Variants in ATP2B4 observed in about 807,000 individuals in gnomAD.
ATP2B4 encodes the protein plasma membrane calcium-transporting ATPase 4.
Under a neutral mutation model 110.3 loss-of-function variants are expected in ATP2B4, and 39 were observed. The observed-to-expected ratio is 0.35, with a 90% confidence interval of 0.27 to 0.46. ATP2B4 has a LOEUF of 0.46. Among genes scored for constraint, ATP2B4 ranks in the 20% least tolerant of loss-of-function variants. ATP2B4 has a pLI of 1.00. For missense variants in ATP2B4, 1,135 were observed against 1,530.9 expected, an observed-to-expected ratio of 0.74 and a Z score of 4.32; for synonymous variants, 538 against 571.7, an observed-to-expected ratio of 0.94 and a Z score of 0.84.
In ATP2B4 at chr1:203,721,334, C is replaced by T. The variant is rs1450630071; in HGVS notation, c.2736C>T (p.Ile912=). ...RRPYGRNKPL[I]SRTMMKNILG... ...CCTATGGCCGAAATAAGCCTCTGATCTCACGCACTATGATGAAGAACATCT... is the reference window on the plus strand; with the variant it reads ...CCTATGGCCGAAATAAGCCTCTGATTTCACGCACTATGATGAAGAACATCT... The change falls in exon 17 of 21, where the codon ATC becomes ATT. Residue 912 remains isoleucine (I), a synonymous_variant. Transcript: ENST00000357681. The T allele has an allele frequency of 6.2e-7, 1 of 1,614,102 alleles. No individual in the cohort carries two copies. Among genetic ancestry groups the T allele is most frequent in the Non-Finnish European group, 8.5e-7 (1 of 1,180,048 alleles).
Position 203,742,670 on chromosome 1 carries a change from C to T in ATP2B4, c.*2816C>T, listed in dbSNP as rs376843706. On this transcript the variant is annotated 3_prime_UTR_variant, in exon 21 of 21. Transcript: ENST00000357681. The stretch of plus-strand genomic sequence containing the variant: ...AACCCCCACCATGCAGATGGATAGA[C>T]AGAATCTTTCCTGACTAGTCATTAG... 1 of 152,452 alleles carries T rather than the reference C, an allele frequency of 6.6e-6. No homozygotes were observed. The highest frequency in any genetic ancestry group is 2.4e-5 in the African/African-American group (1 of 41,422). 9.4% of individuals were successfully genotyped at this position (152,452 alleles called of 1,614,324 possible).
At chr1:203,681,217 C>T (rs139261746) in intron 1 of ATP2B4, among the ~76,000 whole-genome samples, 150 of 152,192 alleles carry the variant, frequency 9.9e-4, no homozygotes, top group African/African-American at 3.4e-3. Flanking sequence ...GCGAGGAGGA[C>T]GCAAAGGGCA....
At chr1:203,691,851 A>G (rs1665386227) in intron 2 of ATP2B4, among the ~76,000 whole-genome samples, 1 of 151,888 alleles carries the variant, frequency 6.6e-6, no homozygotes, top group African/African-American at 2.4e-5. Context: ...CAGTCCCCAA[A>G]TCCAGGGTTG....
intron 18 of ATP2B4, among the ~76,000 whole-genome samples, chr1:203,723,457 T>TCCCCCTCC (rs1553251107): frequency 1.8e-5 from 2 of 113,576 alleles, no homozygotes; most frequent in African/African-American, 3.8e-5. Flanking sequence ...TCTCTCTCTC[T>TCCCCCTCC]CTCCCTCTGC....
chr1:203,657,225 A>G (rs1664188776), intron 1 of ATP2B4: 2 of 725,658 alleles, frequency 2.8e-6, no homozygotes, highest in Admixed American at 2.2e-5. Flanking sequence ...TGAAATGCAT[A>G]TTGGCCTGAT....
chr1:203,727,387 G>C lies in ATP2B4; in HGVS notation c.3133-8G>C. The C allele has an allele frequency of 6.2e-7, 1 of 1,613,788 alleles. No homozygotes were observed. The highest frequency in any genetic ancestry group is 2.2e-5 in the East Asian group (1 of 44,878). ...TGACGTCTTCCTCTTCGCTGCGCTTGTTTTCAGTTCATCTCCGCAATACCT... is the reference window on the plus strand; with the variant it reads ...TGACGTCTTCCTCTTCGCTGCGCTTCTTTTCAGTTCATCTCCGCAATACCT... On this transcript the variant is annotated splice_polypyrimidine_tract_variant and splice_region_variant and intron_variant, in intron 19 of 20. Coordinates refer to ENST00000357681, the MANE Select transcript of ATP2B4 (RefSeq NM_001684.5).
At chr1:203,653,396 G>T (rs566569412) in intron 1 of ATP2B4, among the ~76,000 whole-genome samples, 2 of 152,332 alleles carry the variant, frequency 1.3e-5, no homozygotes, top group East Asian at 3.9e-4. Context: ...TTAGTCGGAA[G>T]ATCTAGCTAA....
At chr1:203,648,102 C>T (rs1449087831) in intron 1 of ATP2B4, among the ~76,000 whole-genome samples, 2 of 152,140 alleles carry the variant, frequency 1.3e-5, no homozygotes, top group East Asian at 3.9e-4. Flanking sequence ...CCCTGTAAAT[C>T]TGTGAGTGAG....
Position 203,707,026 on chromosome 1 carries a change from C to T in ATP2B4, c.1117C>T (p.Leu373Phe), listed in dbSNP as rs755555064. The change falls in exon 9 of 21, where the codon CTC (leucine) becomes TTC (phenylalanine). Residue 373 changes from leucine (L) to phenylalanine (F), a missense_variant. Transcript: ENST00000357681. ...CTGGACAGGTCTGCTCATGTCTGCT[C>T]TCACGGTTTTCATCCTGATTCTATA... ...IGKAGLLMSA[L>F]TVFILILYFV... The T allele has an allele frequency of 6.2e-6, 10 of 1,613,792 alleles. No homozygotes were observed. The African/African-American group carries it at 1.1e-4, about 17-fold the overall frequency.
At position 203,632,500 on chromosome 1, in the gene ATP2B4, C is replaced by T. The variant is rs190102698; in HGVS notation, c.-465+5281C>T. ...CTGGGACTACAGGCGCCTGCCACCACGCCCGGCTAATTTTTTGTATTTTTA... is the reference window on the plus strand; with the variant it reads ...CTGGGACTACAGGCGCCTGCCACCATGCCCGGCTAATTTTTTGTATTTTTA... On this transcript the variant is annotated intron_variant, in intron 1 of 20. Coordinates refer to ENST00000357681, the MANE Select transcript of ATP2B4 (RefSeq NM_001684.5). Among the ~76,000 whole-genome samples the T allele has an allele frequency of 1.0e-3, 153 of 151,786 alleles. 1 individual carries two copies. The highest frequency in any genetic ancestry group is 3.6e-3 in the African/African-American group (147 of 41,388).
rs1664319887 is a variant in ATP2B4, at chr1:203,660,892, C to T, written c.-464-21850C>T. ...TTGGGAGGCCGAGGCAGGCGGATCA[C>T]TTGAGGTTAGGAGTTCGAGACCAGC... On this transcript the variant is annotated intron_variant, in intron 1 of 20. Transcript: ENST00000357681. Among the ~76,000 whole-genome samples, 3 of 152,040 alleles carry T rather than the reference C, an allele frequency of 2.0e-5. No individual in the cohort carries two copies. In the South Asian group the frequency reaches 6.2e-4, roughly 32 times the overall value.
At chr1:203,692,734 C>T (rs1665420652) in intron 2 of ATP2B4, among the ~76,000 whole-genome samples, 1 of 152,172 alleles carries the variant, frequency 6.6e-6, no homozygotes, top group Non-Finnish European at 1.5e-5. Flanking sequence ...TGTCGTTGGC[C>T]CTTCCCTGCT....
intron 15 of ATP2B4, among the ~76,000 whole-genome samples, chr1:203,719,479 G>A (rs1049292484): frequency 4.3e-4 from 65 of 152,088 alleles, no homozygotes; most frequent in African/African-American, 1.3e-3. Flanking sequence ...GGAGGCCAAG[G>A]CAGGTGGATC....
chr1:203,708,010 G>C lies in ATP2B4; in HGVS notation c.1463G>C (p.Arg488Pro), dbSNP rs199754074. The change falls in exon 10 of 21, where the codon CGT becomes CCT. Residue 488 changes from arginine to proline, a missense_variant. Transcript: ENST00000357681. ...VQAYIGGIHY[R>P]QIPSPDVFLP... ...GCTTATATTGGGGGCATCCATTACCGTCAAATCCCAAGCCCTGATGTCTTC... is the reference window on the plus strand; with the variant it reads ...GCTTATATTGGGGGCATCCATTACCCTCAAATCCCAAGCCCTGATGTCTTC... 6.2e-7 allele frequency: 1 copy of C among 1,614,020 alleles called. No homozygotes were observed. The highest frequency in any genetic ancestry group is 1.3e-5 in the African/African-American group (1 of 74,892).
chr1:203,645,519 A>T lies in ATP2B4; in HGVS notation c.-465+18300A>T, dbSNP rs535467737. On this transcript the variant is annotated intron_variant, in intron 1 of 20. Transcript: ENST00000357681. Reference sequence around the variant, plus strand: ...TTAAAAAGCATCTATATTTTCTTTCATCAGCTTTGCATTTATCACAGTCAT... The same window carrying T: ...TTAAAAAGCATCTATATTTTCTTTCTTCAGCTTTGCATTTATCACAGTCAT... Among the ~76,000 whole-genome samples, 165 of 149,708 alleles carry T rather than the reference A, an allele frequency of 1.1e-3. 2 individuals carry two copies. The highest frequency in any genetic ancestry group is 9.5e-4 in the Non-Finnish European group (64 of 67,590).
chr1:203,709,622 A>T, intron 11 of ATP2B4, 80 bp downstream of exon 11: 1 of 1,586,002 alleles, frequency 6.3e-7, no homozygotes, highest in Non-Finnish European at 8.6e-7. Context: ...CACTGAACCC[A>T]TGTGAATGAG....
At chr1:203,695,121 A>G (rs183130319) in intron 2 of ATP2B4, among the ~76,000 whole-genome samples, 30 of 152,258 alleles carry the variant, frequency 2.0e-4, no homozygotes, top group Middle Eastern at 3.4e-3. Flanking sequence ...ATAATCATCT[A>G]CTAAACCTTG....
chr1:203,710,369 C>CAA (rs1004124095), intron 11 of ATP2B4, among the ~76,000 whole-genome samples: 1 of 138,368 alleles, frequency 7.2e-6, no homozygotes, highest in Non-Finnish European at 1.6e-5. Context: ...GACTCCATTA[C>CAA]AAAAAAAAAA....
At chr1:203,635,840 AGCTCTTGGG>A (rs1305069505) in intron 1 of ATP2B4, among the ~76,000 whole-genome samples, 2 of 152,162 alleles carry the variant, frequency 1.3e-5, no homozygotes, top group East Asian at 1.9e-4. Context: ...GTCTTTTCTA[AGCTCTTGGG>A]TGCTGAGAGT....
Sources: allele counts gnomAD v4.1 joint callset (sites outside exome capture counted in the v4.1 genomes callset), GRCh38; gene constraint gnomAD v4.1.1; transcripts MANE v1.5; gene names NCBI Gene and HGNC (gene_info 2026-07-23, HGNC 2026-07-21).